OASL: variants seen among roughly 807,000 people sequenced by gnomAD.
OASL encodes 2'-5'-oligoadenylate synthase-like protein.
OASL carries 28 observed loss-of-function variants against 35.3 expected under a neutral mutation model. That is an observed-to-expected ratio of 0.79 (90% CI 0.59 to 1.09). The LOEUF (loss-of-function observed/expected upper bound fraction) is 1.09. Among genes scored for constraint, OASL ranks in the 50% least tolerant of loss-of-function variants. The probability of loss-of-function intolerance (pLI) is 0.00; values close to 1 mark genes in which losing one functional copy is unlikely to be tolerated. For synonymous variants in OASL, 252 were observed against 254.6 expected (o/e 0.99, Z 0.10); for missense variants, 620 against 635.2 (o/e 0.98, Z 0.26).
exon 4 of OASL, chr12:121,027,699 C>G (rs540046843): frequency 8.7e-6 from 14 of 1,614,012 alleles, no homozygotes; most frequent in South Asian, 4.4e-5. Context: ...AGTGGTGAAG[C>G]CTTCGTCCAA....
At chr12:121,034,490 A>C (rs1020707486) in intron 1 of OASL, among the ~76,000 whole-genome samples, 12 of 152,096 alleles carry the variant, frequency 7.9e-5, no homozygotes, top group African/African-American at 2.9e-4. Context: ...TTACCCACAG[A>C]GTAAGGCCTA....
At chr12:121,028,096 C>T (rs1247040850) in intron 3 of OASL, among the ~76,000 whole-genome samples, 2 of 152,214 alleles carry the variant, frequency 1.3e-5, no homozygotes, top group Admixed American at 1.3e-4. Context: ...CGGTCACAAA[C>T]ATTCTAGCCT....
intron 5 of OASL, chr12:121,023,669 C>G (rs1869349644): frequency 3.9e-6 from 1 of 256,140 alleles, no homozygotes; most frequent in Non-Finnish European, 7.8e-6. Flanking sequence ...GAGAACAGCA[C>G]TGGCACAGAA....
exon 4 of OASL, chr12:121,027,697 A>G: frequency 6.2e-7 from 1 of 1,614,218 alleles, no homozygotes; most frequent in Non-Finnish European, 8.5e-7. Flanking sequence ...ACAGTGGTGA[A>G]GCCTTCGTCC....
At position 121,027,698 on chromosome 12, in the gene OASL, GC is replaced by G. The variant is rs756147837; in HGVS notation, c.776del (p.Gly259AlafsTer5). On this transcript the variant is annotated frameshift_variant, in exon 4 of 6. Coordinates refer to ENST00000257570, the Ensembl canonical transcript of OASL. LOFTEE classifies it high-confidence loss of function. ...GGAGCAGGTCCATCACAGTGGTGAA[GC>G]CTTCGTCCAACATGAAATTCTCGTC... The G allele has an allele frequency of 1.1e-5, 18 of 1,614,194 alleles. No homozygotes were observed. The highest frequency in any genetic ancestry group is 1.5e-5 in the Non-Finnish European group (18 of 1,180,020).
chr12:121,023,983 C>A lies in OASL; in HGVS notation c.1047+7G>T, dbSNP rs768092845. 3.7e-6 allele frequency: 6 copies of A among 1,613,976 alleles called. No individual in the cohort carries two copies. The highest frequency in any genetic ancestry group is 1.1e-5 in the South Asian group (1 of 91,064). On this transcript the variant is annotated splice_region_variant and intron_variant, in intron 5 of 5. Coordinates refer to ENST00000257570, the Ensembl canonical transcript of OASL. ...AAGCCCTTGACAGCCCAGAGAGGAG[C>A]CATTACCTTCACGTTCCAGCTGGAG...
At chr12:121,023,287 CTTT>C (rs768266698) in intron 5 of OASL, among the ~76,000 whole-genome samples, 5 of 123,264 alleles carry the variant, frequency 4.1e-5, no homozygotes, top group Admixed American at 9.5e-5. Context: ...TTTTTTTTTT[CTTT>C]TTTTCTTTTT....
intron 1 of OASL, among the ~76,000 whole-genome samples, chr12:121,036,951 A>T (rs1869979576): frequency 6.6e-6 from 1 of 152,194 alleles, no homozygotes; most frequent in Non-Finnish European, 1.5e-5. Flanking sequence ...GAGAAAGAAG[A>T]GTGGGAAGGT....
intron 3 of OASL, among the ~76,000 whole-genome samples, chr12:121,029,872 T>C (rs986012739): frequency 6.6e-6 from 1 of 152,142 alleles, no homozygotes; most frequent in Non-Finnish European, 1.5e-5. Context: ...TTAGATGATA[T>C]ATAAAATGTA....
intron 4 of OASL, among the ~76,000 whole-genome samples, chr12:121,025,502 C>T (rs113970491): frequency 3.3e-5 from 5 of 152,152 alleles, no homozygotes; most frequent in African/African-American, 7.2e-5. Context: ...CAGTGGCTCA[C>T]GCCTATAATC....
intron 4 of OASL, among the ~76,000 whole-genome samples, chr12:121,027,370 G>A (rs1010304127): frequency 5.3e-5 from 8 of 152,202 alleles, no homozygotes; most frequent in African/African-American, 1.9e-4. Flanking sequence ...ACAAGGAACA[G>A]GCTTCTACCC....
At chr12:121,024,489 G>C (rs901192158) in intron 4 of OASL, among the ~76,000 whole-genome samples, 3 of 152,168 alleles carry the variant, frequency 2.0e-5, no homozygotes, top group South Asian at 4.1e-4. Flanking sequence ...GTGGTGGTAC[G>C]CACCTGTCAT....
intron 3 of OASL, among the ~76,000 whole-genome samples, chr12:121,028,636 C>G (rs114030996): frequency 0.018 from 2,581 of 145,604 alleles, 69 homozygotes; most frequent in African/African-American, 0.061. Flanking sequence ...GCCCGCCCCC[C>G]CTACTGTTTA....
intron 5 of OASL, among the ~76,000 whole-genome samples, chr12:121,023,548 C>T (rs961587162): frequency 7.2e-5 from 11 of 152,054 alleles, no homozygotes; most frequent in Admixed American, 5.9e-4. Context: ...TCTTGGCCTC[C>T]CAAAGTGCTG....
At chr12:121,018,660 A>T (rs1200536709), downstream of OASL, among the ~76,000 whole-genome samples, 1 of 151,912 alleles carries the variant, frequency 6.6e-6, no homozygotes, top group Non-Finnish European at 1.5e-5. Flanking sequence ...CAAGGTCAGG[A>T]GTTCGAGACT....
chr12:121,024,693 A>G (rs570019625), intron 4 of OASL, among the ~76,000 whole-genome samples: 20 of 152,172 alleles, frequency 1.3e-4, no homozygotes, highest in Admixed American at 7.2e-4. Flanking sequence ...TGAGGCCCCA[A>G]GAGGCATGCT....
chr12:121,023,968 C>T (rs372641348), intron 5 of OASL, 22 bp downstream of exon 5: 3 of 1,613,016 alleles, frequency 1.9e-6, no homozygotes, highest in East Asian at 2.2e-5. Flanking sequence ...AAGCCCTTGA[C>T]AGCCCAGAGA....
At chr12:121,020,960 T>C in exon 6 of OASL, 1 of 1,614,126 alleles carries the variant, frequency 6.2e-7, no homozygotes, top group South Asian at 1.1e-5. Context: ...TCCTCCGGAT[T>C]TTCTCTTTAA....
chr12:121,021,935 G>T (rs2135900463), intron 5 of OASL, among the ~76,000 whole-genome samples: 1 of 152,236 alleles, frequency 6.6e-6, no homozygotes, highest in Admixed American at 6.5e-5. Context: ...TTTGAGACAG[G>T]GCCTTGCCCT....
Sources: gnomAD v4.1 joint callset for allele counts (sites outside exome capture counted in the v4.1 genomes callset) on GRCh38, gnomAD v4.1.1 for gene constraint, MANE v1.5 for transcripts, NCBI Gene and HGNC (gene_info 2026-07-23, HGNC 2026-07-21) for gene names.